Variants in ABR observed in about 807,000 individuals in gnomAD.
The protein encoded by ABR is ABR activator of RhoGEF and GTPase.
ABR carries 35 observed loss-of-function variants against 107.2 expected under a neutral mutation model. The observed-to-expected ratio is 0.33, with a 90% CI of 0.25 to 0.43. The LOEUF is 0.43. Among genes scored for constraint, ABR ranks in the 20% least tolerant of loss-of-function variants. The pLI is 1.00. For synonymous variants in ABR, 498 were observed against 462.0 expected, an observed-to-expected ratio of 1.08 and a Z score of -1.00; for missense variants, 815 against 1,115.2, an observed-to-expected ratio of 0.73 and a Z score of 3.83.
At chr17:1,068,887 T>C (rs1045821802) in intron 9 of ABR, among the ~76,000 whole-genome samples, 2 of 152,186 alleles carry the variant, frequency 1.3e-5, no homozygotes, top group East Asian at 1.9e-4. Flanking sequence ...TGTGGAGGTG[T>C]TGGGAGGACT....
rs951906985 is a variant in ABR at position 1,070,994 on chromosome 17, C to T, written c.895-904G>A. 3.3e-5 allele frequency among the ~76,000 whole-genome samples: 5 copies of T among 152,130 alleles called. No individual in the cohort carries two copies. Among genetic ancestry groups the T allele is most frequent in the Non-Finnish European group, 5.9e-5 (4 of 68,024 alleles). On this transcript the variant is annotated intron_variant, in intron 8 of 22. Coordinates refer to ENST00000302538, the MANE Select transcript of ABR (RefSeq NM_021962.5). This position sits in a 1 kb window ranked among gnomAD's most constrained non-coding sequence, Gnocchi z 4.2. ...CCTGGCCAACGTGGCGAAACCCCGT[C>T]TCTACTAAAAATACAAAAACTAGCC...
chr17:1,013,155 G>C lies in ABR; in HGVS notation c.1801C>G (p.Gln601Glu). The change falls in exon 17 of 23, where the codon CAA becomes GAA. Residue 601 changes from glutamine to glutamate, a missense_variant. Around this residue, in one of 5 missense-constraint regions of ABR, gnomAD observed 92 missense variants for 82.3 expected, o/e 1.12. Transcript: ENST00000302538. Reference sequence around the variant, plus strand: ...TGCCAGTTCTTGGTCTCCACGGTTTGTGGGTCCAGCTGCAGAGAGAGAATG... The same window carrying C: ...TGCCAGTTCTTGGTCTCCACGGTTTCTGGGTCCAGCTGCAGAGAGAGAATG... ...MGKGQIQLDPQTVETKNWHTD... is the reference protein window; with the variant it reads ...MGKGQIQLDPETVETKNWHTD... The C allele has an allele frequency of 6.2e-7, 1 of 1,614,156 alleles. No homozygotes were observed. The highest frequency in any genetic ancestry group is 8.5e-7 in the Non-Finnish European group (1 of 1,179,990).
At chr17:1,034,525 A>G (rs760314272) in intron 16 of ABR, among the ~76,000 whole-genome samples, 6 of 152,190 alleles carry the variant, frequency 3.9e-5, no homozygotes, top group Non-Finnish European at 8.8e-5. Flanking sequence ...AATGCCACGA[A>G]CATCGAGAGA....
At chr17:1,203,210 C>T (rs980502428) in intron 1 of ABR, among the ~76,000 whole-genome samples, 6 of 152,062 alleles carry the variant, frequency 3.9e-5, no homozygotes, top group Non-Finnish European at 7.4e-5. Context: ...AGGTCTTTCA[C>T]TTGCCGGTGT....
intron 1 of ABR, among the ~76,000 whole-genome samples, chr17:1,167,636 C>T (rs957717795): frequency 6.6e-6 from 1 of 152,194 alleles, no homozygotes; most frequent in Non-Finnish European, 1.5e-5. Context: ...GTTGTGTGAC[C>T]TCTGGGAAGT....
rs373504241 is a variant in ABR, at chr17:1,050,492, C to T, written c.1659+45G>A. 4.6e-5 allele frequency: 71 copies of T among 1,554,166 alleles called. No homozygotes were observed. Among genetic ancestry groups the T allele is most frequent in the South Asian group, 5.6e-5 (5 of 89,884 alleles). On this transcript the variant is annotated intron_variant, in intron 15 of 22. Transcript: ENST00000302538. This position sits in a 1 kb window ranked among gnomAD's most constrained non-coding sequence, Gnocchi z 4.6. The stretch of plus-strand genomic sequence containing the variant: ...GTCCCCAGCAGACAAGCCACGAGCA[C>T]GGGGTGGTGGGGTCCCCACAGAGAT...
chr17:1,200,565 C>A lies in ABR; in HGVS notation c.838+28228G>T, dbSNP rs1482755059. 6.6e-6 allele frequency among the ~76,000 whole-genome samples: 1 copy of A among 152,030 alleles called. No individual in the cohort carries two copies. Among genetic ancestry groups the A allele is most frequent in the African/African-American group, 2.4e-5 (1 of 41,390 alleles). ...CTCTCCAGACTGTGCCCAGGAATTT[C>A]TCAGCCTGATCTTTGGCCAGTCCAG... On this transcript the variant is annotated intron_variant, in intron 1 of 22. Transcript: ENST00000574139. This position sits in a 1 kb window ranked among gnomAD's most constrained non-coding sequence, Gnocchi z 4.1.
intron 16 of ABR, among the ~76,000 whole-genome samples, chr17:1,049,142 G>A (rs188263645): frequency 2.6e-5 from 4 of 152,250 alleles, no homozygotes; most frequent in African/African-American, 4.8e-5. Flanking sequence ...TATGTTTATA[G>A]GGAGCCAAAA....
At chr17:1,184,271 C>T (rs12051545), upstream of ABR, among the ~76,000 whole-genome samples, 10,051 of 152,050 alleles carry the variant, frequency 0.066, 495 homozygotes, top group East Asian at 0.14. Flanking sequence ...CTGGCTAACA[C>T]GGGGAAACCC....
chr17:1,225,533 T>G (rs1199942461), intron 1 of ABR, among the ~76,000 whole-genome samples: 2 of 151,996 alleles, frequency 1.3e-5, no homozygotes, highest in East Asian at 1.9e-4. Flanking sequence ...ACTCTTGTCA[T>G]CCCAGCTACT....
chr17:1,012,360 C>T, intron 18 of ABR: 4 of 650,192 alleles, frequency 6.2e-6, no homozygotes, highest in Non-Finnish European at 1.1e-5. Context: ...GGACACGTGC[C>T]CTTTCCCGAG....
At chr17:1,083,209 G>C (rs2036373485) in intron 5 of ABR, 1 of 168,818 alleles carries the variant, frequency 5.9e-6, no homozygotes, top group African/African-American at 2.4e-5. Context: ...CAAGAGGGGG[G>C]ACGTGACTTG....
chr17:1,049,959 C>T (rs562787499), intron 16 of ABR, 91 bp downstream of exon 16: 425 of 1,498,768 alleles, frequency 2.8e-4, no homozygotes, highest in Middle Eastern at 3.6e-4. Flanking sequence ...ACCAAAATCA[C>T]GAAAGAGCAG....
chr17:1,146,775 C>T (rs1368803036), intron 1 of ABR, among the ~76,000 whole-genome samples: 1 of 105,656 alleles, frequency 9.5e-6, no homozygotes, highest in East Asian at 3.9e-4. Context: ...ACCACTGCCA[C>T]CAGGCCACCA....
chr17:1,109,472 C>A (rs985680630), intron 2 of ABR, among the ~76,000 whole-genome samples: 2 of 152,052 alleles, frequency 1.3e-5, no homozygotes, highest in African/African-American at 4.8e-5. Context: ...AGCCGCCCGT[C>A]CTCTGGGGTT....
chr17:1,075,155 G>A (rs1236625697), intron 6 of ABR, among the ~76,000 whole-genome samples: 1 of 152,242 alleles, frequency 6.6e-6, no homozygotes, highest in Non-Finnish European at 1.5e-5. Context: ...GACAGGTGGA[G>A]GTGGCAGCTG....
chr17:1,067,740 T>C (rs1156733525), intron 9 of ABR, among the ~76,000 whole-genome samples: 4 of 152,130 alleles, frequency 2.6e-5, no homozygotes, highest in African/African-American at 4.8e-5. Flanking sequence ...AGCAAGAAAG[T>C]GTGCCCTAGT....
chr17:1,204,367 C>T (rs1350899958), intron 1 of ABR, among the ~76,000 whole-genome samples: 1 of 152,208 alleles, frequency 6.6e-6, no homozygotes, highest in African/African-American at 2.4e-5. Context: ...ATCGCTTGAA[C>T]CCGGGAGGCA....
At chr17:1,209,156 T>TA (rs1567893425) in intron 1 of ABR, among the ~76,000 whole-genome samples, 1 of 151,792 alleles carries the variant, frequency 6.6e-6, no homozygotes, top group Non-Finnish European at 1.5e-5. Context: ...TTGGAATTGA[T>TA]AGAGTTCATG....
Sources: allele counts gnomAD v4.1 joint callset (sites outside exome capture counted in the v4.1 genomes callset), GRCh38; gene constraint gnomAD v4.1.1; regional missense constraint gnomAD v4.1.1; non-coding constraint Gnocchi (gnomAD v3.1); transcripts MANE v1.5; gene names NCBI Gene and HGNC (gene_info 2026-07-23, HGNC 2026-07-21).